The following VPS13A variants were observed in gnomAD, a reference collection of about 807,000 sequenced individuals.
VPS13A encodes vacuolar protein sorting 13 homolog A.
VPS13A carries 264 observed loss-of-function variants against 390.9 expected under a neutral mutation model. The observed-to-expected ratio is 0.68, with a 90% CI of 0.61 to 0.75. VPS13A has a LOEUF of 0.75. Among genes scored for constraint, VPS13A ranks in the 30% least tolerant of loss-of-function variants. VPS13A has a pLI of 0.00. For missense variants in VPS13A, 3,409 were observed against 3,733.9 expected (o/e 0.91, Z 2.27); for synonymous variants, 1,231 against 1,227.1 (o/e 1.00, Z -0.07).
At position 77,336,800 on chromosome 9, in the gene VPS13A, ATC is replaced by A. The variant is rs1213180830; in HGVS notation, c.6096-453_6096-452del. Among the ~76,000 whole-genome samples the A allele has an allele frequency of 8.8e-5, 12 of 136,646 alleles. No homozygotes were observed. In the Admixed American group the frequency reaches 9.3e-4, roughly 11 times the overall value. The allele number at this position is 136,646 out of a possible 152,430, so 89.6% of individuals were successfully genotyped here. A position where few individuals can be genotyped will look rare whatever the true frequency, so the allele number is the denominator to read the frequency against. ...AAGTTAAGATGATATCTATTTATCTATCTTTTTTTTTTTTTTTTTTTTTTGAG... is the reference window on the plus strand; with the variant it reads ...AAGTTAAGATGATATCTATTTATCTATTTTTTTTTTTTTTTTTTTTTTGAG... On this transcript the variant is annotated intron_variant, in intron 46 of 71. Coordinates refer to ENST00000360280, the MANE Select transcript of VPS13A (RefSeq NM_033305.3).
chr9:77,416,151 CAAAA>C lies in VPS13A; in HGVS notation c.*147_*150del. 2.0e-6 allele frequency: 2 copies of C among 993,174 alleles called. No individual in the cohort carries two copies. The highest frequency in any genetic ancestry group is 3.0e-6 in the Non-Finnish European group (2 of 658,944). The allele number at this position is 993,174 out of a possible 1,614,324, so 61.5% of individuals were successfully genotyped here. On this transcript the variant is annotated 3_prime_UTR_variant, in exon 72 of 72. Transcript: ENST00000360280. ...TAAAAAACAAAAACAAACAAAAAAA[CAAAA>C]ACAAAAAAACAAAACCAGAATCAGG... is the stretch of plus-strand genomic sequence containing the variant.
rs149830183 is a variant in VPS13A at position 77,227,707 on chromosome 9, T to G, written c.1452+222T>G. Among the ~76,000 whole-genome samples, 1,279 of 128,800 alleles carry G rather than the reference T, an allele frequency of 9.9e-3. 10 individuals are homozygous for G. Among genetic ancestry groups the G allele is most frequent in the South Asian group, 0.016 (67 of 4,106 alleles). 84.5% of individuals were successfully genotyped at this position (128,800 alleles called of 152,430 possible). ...ATTTTTGTGGTTTTTTTTTTGTTTT[T>G]TTTTTTTGATAGAGATGGGGTTTCG... On this transcript the variant is annotated intron_variant, in intron 16 of 71. Transcript: ENST00000360280.
intron 10 of VPS13A, among the ~76,000 whole-genome samples, chr9:77,216,865 AG>A (rs1822893847): frequency 6.6e-6 from 1 of 152,222 alleles, no homozygotes. Context: ...GGAAGCATCC[AG>A]CACAGGAGAA....
At chr9:77,393,422 TG>T (rs1178550764) in intron 68 of VPS13A, among the ~76,000 whole-genome samples, 3 of 152,266 alleles carry the variant, frequency 2.0e-5, no homozygotes, top group Non-Finnish European at 2.9e-5. Context: ...TAATCACAGA[TG>T]TTTTTAATGG....
intron 31 of VPS13A, among the ~76,000 whole-genome samples, chr9:77,285,448 ACCTGATAGT>A (rs1827270981): frequency 6.6e-6 from 1 of 152,184 alleles, no homozygotes; most frequent in Non-Finnish European, 1.5e-5. Context: ...ATTCTTGCTG[ACCTGATAGT>A]CTCATGAAAA....
intron 25 of VPS13A, 31 bp downstream of exon 25, chr9:77,275,683 A>C (rs759724371): frequency 6.2e-7 from 1 of 1,604,274 alleles, no homozygotes; most frequent in East Asian, 2.2e-5. Context: ...AACATGGCTT[A>C]ATTTGTTTGC....
At chr9:77,180,697 T>G (rs1379132220) in intron 1 of VPS13A, among the ~76,000 whole-genome samples, 1 of 152,218 alleles carries the variant, frequency 6.6e-6, no homozygotes, top group Non-Finnish European at 1.5e-5. Flanking sequence ...GGATCCTTTC[T>G]CTATTGAATT....
At chr9:77,326,386 T>C (rs1830020542) in intron 45 of VPS13A, among the ~76,000 whole-genome samples, 1 of 152,102 alleles carries the variant, frequency 6.6e-6, no homozygotes, top group African/African-American at 2.4e-5. Context: ...CAGTTAGATA[T>C]ACGTTAGGGT....
rs62573203 is a variant in VPS13A at position 77,275,213 on chromosome 9, A to G, written c.2513-285A>G. ...AATTTAAGCAATTTTAAAATAGACT[A>G]TTTCAAAAGATGGGCTTCTTAAGCT... On this transcript the variant is annotated intron_variant, in intron 24 of 71. Coordinates refer to ENST00000360280, the MANE Select transcript of VPS13A (RefSeq NM_033305.3). Among the ~76,000 whole-genome samples the G allele has an allele frequency of 0.22, 34,178 of 152,032 alleles. 4,186 individuals are homozygous for G. Among genetic ancestry groups the G allele is most frequent in the African/African-American group, 0.31 (12,740 of 41,474 alleles).
rs771436974 is a variant in VPS13A at position 77,345,050 on chromosome 9, T to C, written c.7197T>C (p.Ser2399=). 2 of 1,613,130 alleles carry C rather than the reference T, an allele frequency of 1.2e-6. No individual in the cohort carries two copies. Among genetic ancestry groups the C allele is most frequent in the Admixed American group, 3.3e-5 (2 of 60,026 alleles). The change falls in exon 52 of 72, where the codon TCT becomes TCC. Residue 2399 remains serine, a synonymous_variant. Transcript: ENST00000360280. ...IIAEVNLAEH[S]TVITFLDYHD... ...CAGAAGTGAATTTGGCCGAGCATTC[T>C]ACAGTTATTACATTTTTAGATTATC... is the stretch of plus-strand genomic sequence containing the variant.
chr9:77,293,600 T>A, intron 32 of VPS13A, 92 bp downstream of exon 32: 1 of 753,988 alleles, frequency 1.3e-6, no homozygotes, highest in Non-Finnish European at 1.9e-6. Flanking sequence ...ATTCCTTGCT[T>A]GAGATTTTTT....
In VPS13A at chr9:77,252,324, A is replaced by G. The variant is rs1384415918; in HGVS notation, c.2260A>G (p.Met754Val). ...CTTCAATTTGGAACTGTCTAAGGCC[A>G]TGGTTTTCATGGATGTAAGGATGCC... ...MHFNLELSKA[M>V]VFMDVRMPKF... Residue 754 changes from methionine to valine, a missense_variant, in exon 22 of 72, where the codon ATG (methionine) becomes GTG (valine). Met to Val is a conservative substitution (Grantham distance 21, BLOSUM62 1). This residue lies in a region of VPS13A where 2,717 missense variants were observed against 2,917.4 expected (regional missense o/e 0.93). Coordinates refer to ENST00000360280, the MANE Select transcript of VPS13A (RefSeq NM_033305.3). 2 of 1,613,772 alleles carry G rather than the reference A, an allele frequency of 1.2e-6. No homozygotes were observed. The highest frequency in any genetic ancestry group is 1.1e-5 in the South Asian group (1 of 91,070).
Position 77,276,232 on chromosome 9 carries a change from C to G in VPS13A, c.2824+11C>G, listed in dbSNP as rs1826659399. 6.3e-7 allele frequency: 1 copy of G among 1,575,228 alleles called. No homozygotes were observed. Among genetic ancestry groups the G allele is most frequent in the Admixed American group, 1.8e-5 (1 of 56,004 alleles). On this transcript the variant is annotated intron_variant, in intron 26 of 71. Transcript: ENST00000360280. Reference sequence around the variant, plus strand: ...GCCCAGAATACTTGGGTAAGAATCTCTATTTTTTAAAATAAATAAATTAAT... The same window carrying G: ...GCCCAGAATACTTGGGTAAGAATCTGTATTTTTTAAAATAAATAAATTAAT...
chr9:77,371,459 A>C (rs1832744002), intron 67 of VPS13A, among the ~76,000 whole-genome samples: 1 of 152,080 alleles, frequency 6.6e-6, no homozygotes, highest in South Asian at 2.1e-4. Flanking sequence ...TTTTATAAGG[A>C]ACCCACTCCC....
At chr9:77,360,752 A>G in intron 59 of VPS13A, 111 bp downstream of exon 59, 1 of 806,866 alleles carries the variant, frequency 1.2e-6, no homozygotes, top group Non-Finnish European at 2.0e-6. Context: ...ACAATTAAAT[A>G]AATTTTATTA....
Position 77,337,472 on chromosome 9 carries a change from A to G in VPS13A, c.6313A>G (p.Met2105Val), listed in dbSNP as rs1830598491. ...SEDGWDLPYI[M>V]HLWPPILLRN... ...AGATGGTTGGGATTTACCATACATAATGCATTTGTGGCCACCTATCCTGCT... is the reference window on the plus strand; with the variant it reads ...AGATGGTTGGGATTTACCATACATAGTGCATTTGTGGCCACCTATCCTGCT... Residue 2105 changes from methionine to valine, a missense_variant, in exon 47 of 72, where the codon ATG becomes GTG. Coordinates refer to ENST00000360280, the MANE Select transcript of VPS13A (RefSeq NM_033305.3). The G allele has an allele frequency of 6.2e-6, 10 of 1,613,694 alleles. No homozygotes were observed. The South Asian group carries it at 7.7e-5, about 12-fold the overall frequency.
chr9:77,189,317 C>G (rs1191745516), intron 1 of VPS13A, among the ~76,000 whole-genome samples: 2 of 151,888 alleles, frequency 1.3e-5, no homozygotes, highest in African/African-American at 4.8e-5. Flanking sequence ...CAGTTTCAGT[C>G]TTCTGCATGT....
intron 46 of VPS13A, among the ~76,000 whole-genome samples, chr9:77,336,924 G>A (rs1452469869): frequency 6.7e-6 from 1 of 149,356 alleles, no homozygotes; most frequent in Non-Finnish European, 1.5e-5. Context: ...AGCCTCCTGA[G>A]TAGCTGGGAC....
At chr9:77,349,825 G>T (rs1360255214) in intron 52 of VPS13A, among the ~76,000 whole-genome samples, 1 of 151,954 alleles carries the variant, frequency 6.6e-6, no homozygotes, top group Non-Finnish European at 1.5e-5. Context: ...CATATTTATA[G>T]TAGAGACAGG....
Sources: gnomAD v4.1 joint callset for allele counts (sites outside exome capture counted in the v4.1 genomes callset) on GRCh38, gnomAD v4.1.1 for gene constraint, gnomAD v4.1.1 regional missense constraint, MANE v1.5 for transcripts, NCBI Gene and HGNC (gene_info 2026-07-23, HGNC 2026-07-21) for gene names.